Variants in LRRC37A2 observed in about 807,000 individuals in gnomAD.
LRRC37A2 encodes the protein leucine-rich repeat-containing protein 37A2.
In LRRC37A2, 9 loss-of-function variants were observed where a neutral mutation model predicts 68.8. The ratio of observed to expected loss-of-function variants is 0.13; its 90% CI spans 0.08 to 0.23. LRRC37A2 has a LOEUF of 0.23. Among genes scored for constraint, LRRC37A2 ranks in the 10% least tolerant of loss-of-function variants. The pLI is 1.00. For synonymous variants in LRRC37A2, 63 were observed against 367.6 expected (o/e 0.17, Z 9.48); for missense variants, 168 against 950.4 (o/e 0.18, Z 10.82).
chr17:46,949,638 A>G, the LRRC37A2 span, among the ~76,000 whole-genome samples: 5 of 152,354 alleles, frequency 3.3e-5, no homozygotes, highest in African/African-American at 1.2e-4. Flanking sequence ...GCATGCAGCA[A>G]TAAAGTGCAC....
chr17:46,494,220 A>G, the LRRC37A2 span, among the ~76,000 whole-genome samples: 6 of 151,012 alleles, frequency 4.0e-5, no homozygotes, highest in Admixed American at 6.6e-5. Context: ...TGTGATGTTC[A>G]TACATTTTCC....
the LRRC37A2 span, chr17:46,979,226 C>G: frequency 4.7e-6 from 2 of 426,668 alleles, no homozygotes; most frequent in Non-Finnish European, 8.3e-6. Flanking sequence ...ACAGGCGGCG[C>G]AGGAGCTGGA....
the LRRC37A2 span, among the ~76,000 whole-genome samples, chr17:46,771,354 C>A: frequency 1.3e-5 from 2 of 151,872 alleles, no homozygotes; most frequent in South Asian, 4.1e-4. Flanking sequence ...ACGCCCCAGC[C>A]CTGGGGGCGC....
At chr17:46,779,241 G>A in the LRRC37A2 span, among the ~76,000 whole-genome samples, 11 of 152,282 alleles carry the variant, frequency 7.2e-5, no homozygotes, top group African/African-American at 2.6e-4. Context: ...CGGAGCTTCC[G>A]CCTACACACA....
chr17:46,499,474 G>A, the LRRC37A2 span, among the ~76,000 whole-genome samples: 4 of 148,862 alleles, frequency 2.7e-5, no homozygotes, highest in East Asian at 5.9e-4. Flanking sequence ...ATCTTGGCAT[G>A]ACTTTACCCC....
At chr17:46,895,703 GC>G in the LRRC37A2 span, among the ~76,000 whole-genome samples, 9 of 152,196 alleles carry the variant, frequency 5.9e-5, no homozygotes, top group Non-Finnish European at 1.0e-4. Flanking sequence ...ACGTTGCATG[GC>G]AGGTCCTGTT....
the LRRC37A2 span, chr17:46,773,534 G>A: frequency 4.8e-6 from 5 of 1,051,696 alleles, no homozygotes; most frequent in Non-Finnish European, 6.8e-6. Flanking sequence ...TGGCAGTCAT[G>A]CAACCAAATT....
chr17:46,726,529 A>G, the LRRC37A2 span: 112 of 1,612,320 alleles, frequency 6.9e-5, no homozygotes, highest in Non-Finnish European at 9.0e-5. Flanking sequence ...GAGATAATAA[A>G]TGACTTTGTT....
the LRRC37A2 span, among the ~76,000 whole-genome samples, chr17:46,840,235 C>T: frequency 3.8e-4 from 57 of 151,898 alleles, no homozygotes; most frequent in South Asian, 8.3e-4. Flanking sequence ...TACAGGTGCC[C>T]GACACCACGC....
At chr17:46,982,866 C>CA in the LRRC37A2 span, among the ~76,000 whole-genome samples, 1 of 152,170 alleles carries the variant, frequency 6.6e-6, no homozygotes, top group African/African-American at 2.4e-5. Context: ...CATGGAGACT[C>CA]AAAGGCAGGC....
the LRRC37A2 span, chr17:47,027,415 T>C: frequency 9.5e-6 from 5 of 524,916 alleles, no homozygotes; most frequent in African/African-American, 7.7e-5. Flanking sequence ...TTAGGGGCTC[T>C]GGAAAGTTCA....
At chr17:46,911,814 C>CAG in the LRRC37A2 span, among the ~76,000 whole-genome samples, 1 of 152,120 alleles carries the variant, frequency 6.6e-6, no homozygotes, top group African/African-American at 2.4e-5. Flanking sequence ...AACTGGTAGG[C>CAG]AGAGGTTGCA....
the LRRC37A2 span, among the ~76,000 whole-genome samples, chr17:46,825,015 C>T: frequency 1.3e-5 from 2 of 152,224 alleles, no homozygotes; most frequent in Non-Finnish European, 2.9e-5. Context: ...AGCCATGTGC[C>T]ACACCTCTTT....
the LRRC37A2 span, among the ~76,000 whole-genome samples, chr17:46,969,986 C>CG: frequency 1.3e-5 from 2 of 152,122 alleles, no homozygotes; most frequent in Non-Finnish European, 2.9e-5. Context: ...AAGCAGACAC[C>CG]GGGGGTCAAA....
chr17:46,708,768 A>G, the LRRC37A2 span, among the ~76,000 whole-genome samples: 1 of 143,116 alleles, frequency 7.0e-6, no homozygotes, highest in Non-Finnish European at 1.5e-5. Context: ...TGCTAGGATT[A>G]TGGGCATGAG....
exon 10 of LRRC37A2, chr17:46,548,679 A>G (rs1381917774): frequency 6.2e-7 from 1 of 1,608,178 alleles, no homozygotes; most frequent in Admixed American, 1.7e-5. Flanking sequence ...GGCACTTCAA[A>G]GAGGTAGGAA....
At chr17:47,043,969 T>C in the LRRC37A2 span, among the ~76,000 whole-genome samples, 2 of 109,478 alleles carry the variant, frequency 1.8e-5, no homozygotes, top group African/African-American at 6.6e-5. Flanking sequence ...CACTTGAACC[T>C]GGGAGGCTGA....
chr17:46,948,752 G>A, the LRRC37A2 span: 1 of 152,246 alleles, frequency 6.6e-6, no homozygotes, highest in African/African-American at 2.4e-5. Flanking sequence ...AAGAACTGTG[G>A]ATGTGGGGCA....
chr17:46,855,821 C>T, the LRRC37A2 span, among the ~76,000 whole-genome samples: 2 of 152,198 alleles, frequency 1.3e-5, no homozygotes, highest in East Asian at 3.9e-4. Context: ...GCCTCAGCTT[C>T]CCCAGTAGCT....
Sources: allele counts gnomAD v4.1 joint callset (sites outside exome capture counted in the v4.1 genomes callset), GRCh38; gene constraint gnomAD v4.1.1; transcripts MANE v1.5; gene names NCBI Gene and HGNC (gene_info 2026-07-23, HGNC 2026-07-21).